The following ESRRG variants were observed in gnomAD, a reference collection of about 807,000 sequenced individuals.
The protein encoded by ESRRG is estrogen-related receptor gamma.
In ESRRG, 13 loss-of-function variants were observed where a neutral mutation model predicts 44.0. That is an observed-to-expected ratio of 0.30 (90% CI 0.19 to 0.47). The LOEUF (loss-of-function observed/expected upper bound fraction) is 0.47, where lower values mean the gene tolerates loss of function less well. ESRRG is among the 20% of genes least tolerant of loss of function. The pLI, the probability that ESRRG is intolerant of heterozygous loss-of-function variation, is 1.00. For synonymous variants in ESRRG, 215 were observed against 214.6 expected, an observed-to-expected ratio of 1.00 and a Z score of -0.02; for missense variants, 395 against 580.6, an observed-to-expected ratio of 0.68 and a Z score of 3.29.
intron 2 of ESRRG, among the ~76,000 whole-genome samples, chr1:216,851,589 G>C (rs1012315433): frequency 2.6e-5 from 4 of 151,402 alleles, no homozygotes; most frequent in African/African-American, 9.7e-5. Context: ...CTACAAACTG[G>C]ATGAAGGCCC....
At chr1:216,705,008 C>G (rs1021899992) in intron 1 of ESRRG, among the ~76,000 whole-genome samples, 1 of 152,066 alleles carries the variant, frequency 6.6e-6, no homozygotes. Context: ...CAAAAGATAC[C>G]AGTAAGTCTT....
chr1:216,823,947 T>C (rs544547520), intron 2 of ESRRG, among the ~76,000 whole-genome samples: 1 of 152,296 alleles, frequency 6.6e-6, no homozygotes, highest in South Asian at 2.1e-4. Flanking sequence ...CTTCACAAAA[T>C]GGACATGGCT....
chr1:216,821,704 ATAAAT>A lies in ESRRG; in HGVS notation c.-14+117873_-14+117877del, dbSNP rs1559764903. 1.8e-4 allele frequency among the ~76,000 whole-genome samples: 24 copies of A among 131,606 alleles called. 2 individuals are homozygous for A. The highest frequency in any genetic ancestry group is 4.7e-4 in the South Asian group (2 of 4,290). The allele number at this position is 131,606 out of a possible 152,430, so 86.3% of individuals were successfully genotyped here. On this transcript the variant is annotated intron_variant, in intron 2 of 7. Coordinates refer to the ESRRG transcript ENST00000359162. ...TGCCTCAGGAAAAATAAATAAATAAATAAATAAATAAATAAATAAATAAATAAATA... is the reference window on the plus strand; with the variant it reads ...TGCCTCAGGAAAAATAAATAAATAAAAAATAAATAAATAAATAAATAAATA...
chr1:216,684,135 A>G (rs2077513633), intron 1 of ESRRG, among the ~76,000 whole-genome samples: 1 of 152,232 alleles, frequency 6.6e-6, no homozygotes, highest in Admixed American at 6.5e-5. Context: ...ACACAGCAGC[A>G]TCCCATTTTA....
chr1:216,772,907 T>G (rs1445141881), intron 2 of ESRRG, among the ~76,000 whole-genome samples: 2 of 151,940 alleles, frequency 1.3e-5, no homozygotes, highest in African/African-American at 4.8e-5. Context: ...AAAAAAATCT[T>G]TGGGGGAAAA....
chr1:217,129,856 G>A (rs1181738632), intron 1 of ESRRG, among the ~76,000 whole-genome samples: 1 of 151,880 alleles, frequency 6.6e-6, no homozygotes, highest in Non-Finnish European at 1.5e-5. Flanking sequence ...CCTTTGGAGT[G>A]ATAAAAATGT....
At chr1:216,915,297 G>T (rs2061010975) in intron 2 of ESRRG, among the ~76,000 whole-genome samples, 1 of 152,160 alleles carries the variant, frequency 6.6e-6, no homozygotes, top group South Asian at 2.1e-4. Flanking sequence ...GCATCTGAAA[G>T]GATGCCCAAG....
rs1312961282 is a variant in ESRRG at position 216,868,097 on chromosome 1, T to C, written c.-14+71485A>G. Among the ~76,000 whole-genome samples the C allele has an allele frequency of 3.4e-5, 5 of 144,992 alleles. No individual in the cohort carries two copies. The South Asian group carries it at 9.1e-4, about 26-fold the overall frequency. On this transcript the variant is annotated intron_variant, in intron 2 of 7. Coordinates refer to the ESRRG transcript ENST00000359162. ...ATTGATCCTTTTTTTTTTTTTTTTT[T>C]TTTTTTTGAGACAGAGTTTCACTCC...
At chr1:216,796,676 G>A (rs1420964163) in intron 2 of ESRRG, among the ~76,000 whole-genome samples, 1 of 151,824 alleles carries the variant, frequency 6.6e-6, no homozygotes, top group Non-Finnish European at 1.5e-5. Flanking sequence ...CTCACTTCCT[G>A]AGGAACCTTA....
chr1:216,571,422 A>G (rs150577562), intron 3 of ESRRG, among the ~76,000 whole-genome samples: 6 of 152,288 alleles, frequency 3.9e-5, no homozygotes, highest in African/African-American at 1.2e-4. Flanking sequence ...TAGCCTGGGC[A>G]ACAAGAGTGA....
chr1:217,064,739 AG>A (rs1478168958), intron 1 of ESRRG, among the ~76,000 whole-genome samples: 7 of 152,222 alleles, frequency 4.6e-5, no homozygotes, highest in Non-Finnish European at 1.0e-4. Context: ...ATCAGCCCTT[AG>A]GCACAGAGAA....
chr1:216,618,249 A>G lies in ESRRG; in HGVS notation c.589+32724T>C, dbSNP rs570666374. 2.0e-5 allele frequency among the ~76,000 whole-genome samples: 3 copies of G among 152,364 alleles called. No homozygotes were observed. In the South Asian group the frequency reaches 6.2e-4, roughly 32 times the overall value. The stretch of plus-strand genomic sequence containing the variant: ...CCTCAAAAGAACAGATATATTATGG[A>G]TATACCCTGATAGATTTGCGTGTTT... On this transcript the variant is annotated intron_variant, in intron 3 of 6. Transcript: ENST00000408911.
intron 3 of ESRRG, among the ~76,000 whole-genome samples, chr1:216,650,078 T>C (rs534125419): frequency 6.6e-6 from 1 of 152,314 alleles, no homozygotes; most frequent in South Asian, 2.1e-4. Flanking sequence ...CAAACATTAA[T>C]TACCATCTTT....
chr1:216,794,405 G>A (rs908822553), intron 2 of ESRRG, among the ~76,000 whole-genome samples: 1 of 152,156 alleles, frequency 6.6e-6, no homozygotes, highest in Non-Finnish European at 1.5e-5. Flanking sequence ...TGCAGTAGCA[G>A]GAGTTAGTTC....
intron 2 of ESRRG, among the ~76,000 whole-genome samples, chr1:216,764,615 A>C (rs1322876739): frequency 6.6e-6 from 1 of 151,996 alleles, no homozygotes. Context: ...TTCCCTCCTC[A>C]GCCTGACAAG....
At chr1:216,597,675 A>G (rs1231385835) in intron 3 of ESRRG, among the ~76,000 whole-genome samples, 1 of 152,216 alleles carries the variant, frequency 6.6e-6, no homozygotes, top group Non-Finnish European at 1.5e-5. Context: ...TCTATTTGAC[A>G]GTGCTGATTT....
chr1:216,995,147 AC>A (rs2076225131), intron 1 of ESRRG, among the ~76,000 whole-genome samples: 1 of 151,930 alleles, frequency 6.6e-6, no homozygotes, highest in South Asian at 2.1e-4. Context: ...GCCATTCTTG[AC>A]CCCTGCCCCT....
chr1:216,667,875 C>A (rs936633756), intron 2 of ESRRG, among the ~76,000 whole-genome samples: 35 of 151,882 alleles, frequency 2.3e-4, no homozygotes, highest in African/African-American at 8.0e-4. Context: ...GCAGGTGGAT[C>A]AACTGAGGTC....
chr1:217,127,422 G>C (rs1266140185), intron 1 of ESRRG, among the ~76,000 whole-genome samples: 1 of 152,160 alleles, frequency 6.6e-6, no homozygotes, highest in East Asian at 1.9e-4. Context: ...CTCACCTCCA[G>C]CTGATGGTTG....
Sources: allele counts gnomAD v4.1 joint callset (sites outside exome capture counted in the v4.1 genomes callset), GRCh38; gene constraint gnomAD v4.1.1; transcripts MANE v1.5; gene names NCBI Gene and HGNC (gene_info 2026-07-23, HGNC 2026-07-21).